The following SLC31A1 variants were observed in gnomAD, a reference collection of about 807,000 sequenced individuals.
The protein encoded by SLC31A1 is high affinity copper uptake protein 1.
A neutral mutation model predicts 17.2 loss-of-function variants in SLC31A1; 5 were observed. The ratio of observed to expected loss-of-function variants is 0.29; its 90% CI spans 0.15 to 0.61. SLC31A1 has a LOEUF of 0.61. Ranked by LOEUF, SLC31A1 falls within the 20% of genes least tolerant of loss-of-function variation. The pLI is 0.86. For synonymous variants in SLC31A1, 76 were observed against 78.8 expected, an observed-to-expected ratio of 0.96 and a Z score of 0.19; for missense variants, 161 against 241.4, an observed-to-expected ratio of 0.67 and a Z score of 2.21.
At position 113,258,929 on chromosome 9, in the gene SLC31A1, G is replaced by C. The variant is rs7854131; in HGVS notation, c.371+67G>C. Reference sequence around the variant, plus strand: ...ATCAGTTAAGCAGCAAAGCGCAGCTGTGTGATCAGCAGCAGCCCTCTTCTT... The same window carrying C: ...ATCAGTTAAGCAGCAAAGCGCAGCTCTGTGATCAGCAGCAGCCCTCTTCTT... On this transcript the variant is annotated intron_variant, in intron 4 of 4. Coordinates refer to ENST00000374212, the MANE Select transcript of SLC31A1 (RefSeq NM_001859.4). The surrounding 1 kb of genome is among the most constrained non-coding windows in gnomAD (Gnocchi z 4.8). 6.6e-7 allele frequency: 1 copy of C among 1,507,186 alleles called. No individual in the cohort carries two copies. Among genetic ancestry groups the C allele is most frequent in the Non-Finnish European group, 9.2e-7 (1 of 1,082,996 alleles). 93.4% of individuals were successfully genotyped at this position (1,507,186 alleles called of 1,614,324 possible). A position where few individuals can be genotyped will look rare whatever the true frequency, so the allele number is the denominator to read the frequency against.
chr9:113,235,647 G>A (rs1402395147), intron 1 of SLC31A1, among the ~76,000 whole-genome samples: 1 of 152,198 alleles, frequency 6.6e-6, no homozygotes, highest in Non-Finnish European at 1.5e-5. Context: ...CCCCCGGAGA[G>A]GAGGAGGAAG....
At chr9:113,240,503 G>A (rs1831509826) in intron 1 of SLC31A1, among the ~76,000 whole-genome samples, 1 of 152,086 alleles carries the variant, frequency 6.6e-6, no homozygotes, top group Admixed American at 6.6e-5. Flanking sequence ...AGAGAAGATT[G>A]CTAGGGAAAT....
At chr9:113,240,090 G>C (rs917723814) in intron 1 of SLC31A1, among the ~76,000 whole-genome samples, 11 of 152,016 alleles carry the variant, frequency 7.2e-5, no homozygotes, top group African/African-American at 2.4e-4. Flanking sequence ...CCTCTCTTTC[G>C]CTTCCCACCT....
At chr9:113,246,306 A>C (rs1587992864) in intron 1 of SLC31A1, among the ~76,000 whole-genome samples, 2 of 152,064 alleles carry the variant, frequency 1.3e-5, no homozygotes, top group African/African-American at 2.4e-5. Context: ...CAGCTTCCCA[A>C]AGTGCTGGGA....
chr9:113,244,155 C>CAAAAAAAA (rs1200835310), intron 1 of SLC31A1, among the ~76,000 whole-genome samples: 4 of 41,308 alleles, frequency 9.7e-5, no homozygotes, highest in Non-Finnish European at 1.8e-4. Context: ...AACTCCATCT[C>CAAAAAAAA]AAAAAAAAAA....
chr9:113,221,822 T>TCGGCC (rs1831277380), intron 1 of SLC31A1, 144 bp downstream of exon 1: 1 of 164,008 alleles, frequency 6.1e-6, no homozygotes, highest in Non-Finnish European at 1.4e-5. Flanking sequence ...GACTGGGGCT[T>TCGGCC]CGGCCCGGCC....
At chr9:113,234,157 C>T (rs78122719) in intron 1 of SLC31A1, among the ~76,000 whole-genome samples, 1,693 of 152,122 alleles carry the variant, frequency 0.011, 34 homozygotes, top group African/African-American at 0.038. Flanking sequence ...TTTTTGGCTC[C>T]CACTTATGAC....
chr9:113,257,083 T>A (rs1831736837), intron 2 of SLC31A1, 30 bp from the exon 3 acceptor site: 1 of 1,581,340 alleles, frequency 6.3e-7, no homozygotes, highest in Non-Finnish European at 8.7e-7. Context: ...TTCATTCATC[T>A]CTAACTGACT....
Position 113,256,296 on chromosome 9 carries a change from G to A in SLC31A1, c.129+19G>A, listed in dbSNP as rs373030625. Reference sequence around the variant, plus strand: ...GATGATGGTGAGTGCCATAGGAGGGGCAATGCAGGCCCTTTCCCACCCACT... The same window carrying A: ...GATGATGGTGAGTGCCATAGGAGGGACAATGCAGGCCCTTTCCCACCCACT... On this transcript the variant is annotated intron_variant, in intron 2 of 4. Transcript: ENST00000374212. 1.6e-5 allele frequency: 26 copies of A among 1,613,560 alleles called. No individual in the cohort carries two copies. The African/African-American group carries it at 3.2e-4, about 20-fold the overall frequency.
intron 1 of SLC31A1, among the ~76,000 whole-genome samples, chr9:113,252,567 G>C (rs894150329): frequency 3.3e-5 from 5 of 152,182 alleles, no homozygotes; most frequent in South Asian, 4.1e-4. Context: ...GGGATTACAG[G>C]GTGAGCCACC....
intron 1 of SLC31A1, among the ~76,000 whole-genome samples, chr9:113,222,089 C>T (rs1323172530): frequency 6.6e-6 from 1 of 152,196 alleles, no homozygotes; most frequent in African/African-American, 2.4e-5. Flanking sequence ...CTGGATTCCT[C>T]GTCCTTTGAT....
intron 1 of SLC31A1, among the ~76,000 whole-genome samples, chr9:113,228,200 C>G (rs1023797621): frequency 6.6e-6 from 1 of 152,154 alleles, no homozygotes; most frequent in African/African-American, 2.4e-5. Flanking sequence ...CATGCTTTCT[C>G]CACTCTAAGA....
chr9:113,236,720 A>G (rs1831465075), intron 1 of SLC31A1, among the ~76,000 whole-genome samples: 3 of 152,246 alleles, frequency 2.0e-5, no homozygotes, highest in Admixed American at 2.0e-4. Flanking sequence ...GGCTCTAAAG[A>G]TGAATTAGTC....
intron 1 of SLC31A1, among the ~76,000 whole-genome samples, chr9:113,244,073 T>TGGAGGCAGGA (rs1831551566): frequency 7.0e-6 from 1 of 142,808 alleles, no homozygotes; most frequent in Non-Finnish European, 1.5e-5. Flanking sequence ...GAGAATCGCT[T>TGGAGGCAGGA]GAACCCAGGA....
At chr9:113,236,465 G>A (rs976201451) in intron 1 of SLC31A1, among the ~76,000 whole-genome samples, 10 of 152,098 alleles carry the variant, frequency 6.6e-5, no homozygotes, top group Admixed American at 2.0e-4. Flanking sequence ...CCGGGTTCAC[G>A]CCATTCTCCT....
At chr9:113,231,848 G>T (rs1451063974) in intron 1 of SLC31A1, among the ~76,000 whole-genome samples, 1 of 152,144 alleles carries the variant, frequency 6.6e-6, no homozygotes, top group African/African-American at 2.4e-5. Context: ...CATACGTTAA[G>T]TACTCATAGT....
intron 1 of SLC31A1, among the ~76,000 whole-genome samples, chr9:113,240,369 G>A (rs1244218508): frequency 6.6e-6 from 1 of 152,140 alleles, no homozygotes; most frequent in Non-Finnish European, 1.5e-5. Flanking sequence ...TGAATATTTG[G>A]TAAGTATTCT....
At chr9:113,249,175 G>A (rs1248869979) in intron 1 of SLC31A1, among the ~76,000 whole-genome samples, 1 of 151,638 alleles carries the variant, frequency 6.6e-6, no homozygotes, top group Non-Finnish European at 1.5e-5. Flanking sequence ...GTTCCAGTTA[G>A]GTAGTTAAGT....
intron 3 of SLC31A1, among the ~76,000 whole-genome samples, chr9:113,257,793 G>A (rs1257445785): frequency 6.6e-6 from 1 of 152,006 alleles, no homozygotes; most frequent in East Asian, 1.9e-4. Flanking sequence ...CGGCCTCAGA[G>A]TGTTTACTTA....
Sources: gnomAD v4.1 joint callset for allele counts (sites outside exome capture counted in the v4.1 genomes callset) on GRCh38, gnomAD v4.1.1 for gene constraint, Gnocchi (gnomAD v3.1) non-coding constraint, MANE v1.5 for transcripts, NCBI Gene and HGNC (gene_info 2026-07-23, HGNC 2026-07-21) for gene names.